PRKAR1A: variants seen among roughly 807,000 people sequenced by gnomAD.
PRKAR1A encodes cAMP-dependent protein kinase type I-alpha regulatory subunit.
Under a neutral mutation model 52.0 loss-of-function variants are expected in PRKAR1A, and 3 were observed. The ratio of observed to expected loss-of-function variants is 0.06; its 90% CI spans 0.03 to 0.15. PRKAR1A has a LOEUF of 0.15. Among genes scored for constraint, PRKAR1A ranks in the 10% least tolerant of loss-of-function variants. The pLI is 1.00. For synonymous variants in PRKAR1A, 188 were observed against 168.4 expected (o/e 1.12, Z -0.90); for missense variants, 240 against 477.4 (o/e 0.50, Z 4.63).
chr17:68,477,681 A>T, the PRKAR1A span, among the ~76,000 whole-genome samples: 7 of 141,224 alleles, frequency 5.0e-5, no homozygotes, highest in East Asian at 1.4e-3. Flanking sequence ...AATGCTTCAA[A>T]TACAATTTTA....
intron 2 of PRKAR1A, among the ~76,000 whole-genome samples, chr17:68,522,521 G>A (rs1236143723): frequency 1.3e-5 from 2 of 152,120 alleles, no homozygotes; most frequent in Non-Finnish European, 2.9e-5. Flanking sequence ...TTGTACTAAT[G>A]ACTTTTGCCC....
chr17:68,533,834 TCTTGTAC>T, downstream of PRKAR1A, among the ~76,000 whole-genome samples: 1 of 152,160 alleles, frequency 6.6e-6, no homozygotes, highest in Non-Finnish European at 1.5e-5. Flanking sequence ...TTCAAGTGAT[TCTTGTAC>T]CTCAGCCTCT....
the PRKAR1A span, among the ~76,000 whole-genome samples, chr17:68,450,408 G>A: frequency 2.0e-5 from 3 of 152,176 alleles, no homozygotes; most frequent in African/African-American, 4.8e-5. Context: ...GTGCTCTTGC[G>A]GTGGCTCATG....
chr17:68,480,722 A>T, the PRKAR1A span, among the ~76,000 whole-genome samples: 2 of 151,878 alleles, frequency 1.3e-5, no homozygotes, highest in African/African-American at 4.8e-5. Flanking sequence ...TGATTTTTGT[A>T]ATTTTTTTGT....
At chr17:68,457,011 C>G in the PRKAR1A span, among the ~76,000 whole-genome samples, 2 of 152,182 alleles carry the variant, frequency 1.3e-5, no homozygotes, top group Non-Finnish European at 1.5e-5. Context: ...CCCCAGACAC[C>G]CACTTTGGTC....
chr17:68,437,982 C>T, the PRKAR1A span, among the ~76,000 whole-genome samples: 5 of 94,250 alleles, frequency 5.3e-5, no homozygotes, highest in Admixed American at 3.0e-4. Context: ...AAGTGACTGG[C>T]GTCTATTACA....
At chr17:68,433,779 T>TTTTTTG in the PRKAR1A span, among the ~76,000 whole-genome samples, 2 of 70,518 alleles carry the variant, frequency 2.8e-5, no homozygotes, top group African/African-American at 8.9e-5. Flanking sequence ...TTTTTTTTTT[T>TTTTTTG]TTTTTTTTTT....
chr17:68,489,501 T>A, the PRKAR1A span, among the ~76,000 whole-genome samples: 83,579 of 135,282 alleles, frequency 0.62, 26,257 homozygotes, highest in East Asian at 0.78. Context: ...TATATATAGA[T>A]AGTATATATA....
chr17:68,447,642 C>T, the PRKAR1A span, among the ~76,000 whole-genome samples: 9 of 152,158 alleles, frequency 5.9e-5, no homozygotes, highest in African/African-American at 1.9e-4. Flanking sequence ...CCTCCTGCCT[C>T]GGCCTCCTGA....
chr17:68,523,402 T>C (rs2085680002), intron 3 of PRKAR1A, among the ~76,000 whole-genome samples: 1 of 152,228 alleles, frequency 6.6e-6, no homozygotes, highest in African/African-American at 2.4e-5. Flanking sequence ...ATTTTTAAAA[T>C]GACTAATTAT....
chr17:68,489,316 G>GTATA, the PRKAR1A span, among the ~76,000 whole-genome samples: 1 of 26,192 alleles, frequency 3.8e-5, no homozygotes, highest in African/African-American at 1.9e-4. Flanking sequence ...TATATGGAAA[G>GTATA]TATATATATA....
intron 8 of PRKAR1A, 38 bp downstream of exon 8, chr17:68,527,938 G>T: frequency 6.6e-7 from 1 of 1,519,340 alleles, no homozygotes; most frequent in Non-Finnish European, 9.1e-7. Context: ...TAGTATGTGA[G>T]ATACCCCTGA....
the PRKAR1A span, among the ~76,000 whole-genome samples, chr17:68,486,502 CTTCCTTCT>C: frequency 0.039 from 1,643 of 42,348 alleles, 9 homozygotes; most frequent in East Asian, 0.053. Context: ...TCCTTCCTTC[CTTCCTTCT>C]TTCTTTCTTT....
At chr17:68,512,971 G>C (rs927104851) in intron 1 of PRKAR1A, 5 of 152,388 alleles carry the variant, frequency 3.3e-5, no homozygotes, top group East Asian at 1.9e-4. Context: ...GGCTCTTCTT[G>C]TAAGCCGGTA....
In PRKAR1A at chr17:68,539,384, G is replaced by A. The variant is rs78050433; in HGVS notation, c.973+9383G>A. On this transcript the variant is annotated intron_variant, in intron 11 of 11. Transcript: ENST00000585981. ...AGAGGATGGAGATTTCATCATGGGAGTGTCGTCCGAACCTAGGAGGAGAAA... is the reference window on the plus strand; with the variant it reads ...AGAGGATGGAGATTTCATCATGGGAATGTCGTCCGAACCTAGGAGGAGAAA... 1.2e-3 allele frequency: 2,003 copies of A among 1,614,182 alleles called. 2 individuals carry two copies. The highest frequency in any genetic ancestry group is 1.6e-3 in the Non-Finnish European group (1,922 of 1,180,016).
At chr17:68,521,684 A>G (rs2085614828) in intron 2 of PRKAR1A, among the ~76,000 whole-genome samples, 1 of 152,262 alleles carries the variant, frequency 6.6e-6, no homozygotes, top group African/African-American at 2.4e-5. Context: ...ACATATTCAC[A>G]TATTTCAAAG....
chr17:68,467,089 G>A, the PRKAR1A span, among the ~76,000 whole-genome samples: 3 of 152,130 alleles, frequency 2.0e-5, no homozygotes, highest in African/African-American at 7.2e-5. Context: ...AGCATGTGTC[G>A]GTATTTCATT....
the PRKAR1A span, among the ~76,000 whole-genome samples, chr17:68,486,506 C>CTTCCTTCCTTCCTTCCTTCCTTCCCT: frequency 2.1e-4 from 10 of 48,258 alleles, no homozygotes; most frequent in Admixed American, 2.3e-3. Context: ...TCCTTCCTTC[C>CTTCCTTCCTTCCTTCCTTCCTTCCCT]TTCTTTCTTT....
intron 8 of PRKAR1A, 54 bp from the exon 9 acceptor site, chr17:68,528,816 C>T (rs1363929500): frequency 5.0e-6 from 8 of 1,605,272 alleles, no homozygotes; most frequent in Non-Finnish European, 6.8e-6. Context: ...TTCTTTTTAC[C>T]TTTATAACAG....
Sources: gnomAD v4.1 joint callset for allele counts (sites outside exome capture counted in the v4.1 genomes callset) on GRCh38, gnomAD v4.1.1 for gene constraint, MANE v1.5 for transcripts, NCBI Gene and HGNC (gene_info 2026-07-23, HGNC 2026-07-21) for gene names.